Variants in CDH19 observed in about 807,000 individuals in gnomAD.
CDH19 encodes the protein cadherin 19.
In CDH19, 67 loss-of-function variants were observed where a neutral mutation model predicts 64.2. The ratio of observed to expected loss-of-function variants is 1.04; its 90% CI spans 0.86 to 1.28. The LOEUF is 1.28. CDH19 is among the 50% of genes most tolerant of loss of function. The probability of loss-of-function intolerance (pLI) is 0.00; values close to 1 mark genes in which losing one functional copy is unlikely to be tolerated. For synonymous variants in CDH19, 346 were observed against 319.3 expected (o/e 1.08, Z -0.89); for missense variants, 1,030 against 929.0 (o/e 1.11, Z -1.41).
chr18:66,548,268 TA>T (rs372768193), intron 5 of CDH19, among the ~76,000 whole-genome samples: 3,701 of 146,036 alleles, frequency 0.025, 158 homozygotes, highest in African/African-American at 0.087. Context: ...TATATTTTTT[TA>T]AAAATATATA....
chr18:66,505,117 T>G lies in CDH19; in HGVS notation c.2014A>C (p.Lys672Gln). The G allele has an allele frequency of 6.2e-7, 1 of 1,613,616 alleles. No homozygotes were observed. The highest frequency in any genetic ancestry group is 8.5e-7 in the Non-Finnish European group (1 of 1,179,726). The change falls in exon 12 of 12, where the codon AAA becomes CAA. Residue 672 changes from lysine to glutamine, a missense_variant. Physicochemically the swap from Lys to Gln is moderately conservative, Grantham distance 53. Transcript: ENST00000262150. Reference sequence around the variant, plus strand: ...CTCCTGATCTCAGCGCTTGTGGTTTTCCGAGTCTTGCGTTCCCGCATTATG... The same window carrying G: ...CTCCTGATCTCAGCGCTTGTGGTTTGCCGAGTCTTGCGTTCCCGCATTATG... ...STIMRERKTR[K>Q]TTSAEIRSLY...
chr18:66,538,218 A>G (rs1986749702), intron 7 of CDH19, among the ~76,000 whole-genome samples: 1 of 151,986 alleles, frequency 6.6e-6, no homozygotes, highest in South Asian at 2.1e-4. Context: ...CTTAGGTTGT[A>G]TTTTCCTAAT....
At chr18:66,594,612 C>T (rs1988832667) in intron 1 of CDH19, among the ~76,000 whole-genome samples, 1 of 151,908 alleles carries the variant, frequency 6.6e-6, no homozygotes, top group Admixed American at 6.6e-5. Flanking sequence ...ACCCAAATGT[C>T]CAACAATGAT....
chr18:66,560,119 C>G (rs1987667170), intron 3 of CDH19, among the ~76,000 whole-genome samples: 1 of 152,060 alleles, frequency 6.6e-6, no homozygotes. Context: ...ACTGCAACTT[C>G]CGCAAGGCAA....
rs149114619 is a variant in CDH19 at position 66,555,680 on chromosome 18, C to T, written c.491-1156G>A. Among the ~76,000 whole-genome samples the T allele has an allele frequency of 2.9e-4, 44 of 151,752 alleles. No individual in the cohort carries two copies. The East Asian group carries it at 8.3e-3, about 29-fold the overall frequency. ...ATTGAATAACCACTCAATGTGTAGA[C>T]ACTTACTAGTTTCAGATGTTTTAAA... On this transcript the variant is annotated intron_variant, in intron 3 of 11. Coordinates refer to ENST00000262150, the MANE Select transcript of CDH19 (RefSeq NM_021153.4).
chr18:66,539,426 G>A (rs1598994176), intron 7 of CDH19, among the ~76,000 whole-genome samples: 1 of 152,110 alleles, frequency 6.6e-6, no homozygotes, highest in African/African-American at 2.4e-5. Flanking sequence ...CTCTGTATCT[G>A]TTTAAGAATC....
intron 3 of CDH19, among the ~76,000 whole-genome samples, chr18:66,558,179 A>T (rs1018713622): frequency 1.3e-4 from 19 of 147,686 alleles, no homozygotes; most frequent in African/African-American, 3.5e-4. Context: ...ATATATATAT[A>T]ATATATATAT....
chr18:66,562,622 C>G (rs1038356925), intron 3 of CDH19, among the ~76,000 whole-genome samples: 2 of 152,060 alleles, frequency 1.3e-5, no homozygotes, highest in African/African-American at 2.4e-5. Context: ...AGGATGTACA[C>G]TTGTACCACG....
At position 66,585,321 on chromosome 18, in the gene CDH19, G is replaced by T. The variant is rs531430504; in HGVS notation, c.-112-13005C>A. ...AGAGTCACTCTCTACTGACTTTCGG[G>T]TTATTTTCCCAAATAGTTTGAGATG... On this transcript the variant is annotated intron_variant, in intron 1 of 11. Coordinates refer to ENST00000262150, the MANE Select transcript of CDH19 (RefSeq NM_021153.4). Among the ~76,000 whole-genome samples, 18 of 152,112 alleles carry T rather than the reference G, an allele frequency of 1.2e-4. No individual in the cohort carries two copies. In the East Asian group the frequency reaches 2.7e-3, roughly 23 times the overall value.
chr18:66,582,129 AATT>A, intron 1 of CDH19, among the ~76,000 whole-genome samples: 1 of 152,266 alleles, frequency 6.6e-6, no homozygotes, highest in East Asian at 1.9e-4. Context: ...AAGATCTATA[AATT>A]ACATTTTAAC....
At position 66,559,102 on chromosome 18, in the gene CDH19, A is replaced by G. The variant is rs112222634; in HGVS notation, c.491-4578T>C. Among the ~76,000 whole-genome samples, 152 of 152,180 alleles carry G rather than the reference A, an allele frequency of 1.0e-3. 1 individual carries two copies. The highest frequency in any genetic ancestry group is 3.6e-3 in the African/African-American group (148 of 41,562). Reference sequence around the variant, plus strand: ...TCACTATGAATTGCTGTTGTGTTCTAAAATATTATGGCTACTATTCTACAT... The same window carrying G: ...TCACTATGAATTGCTGTTGTGTTCTGAAATATTATGGCTACTATTCTACAT... On this transcript the variant is annotated intron_variant, in intron 3 of 11. Transcript: ENST00000262150.
intron 9 of CDH19, among the ~76,000 whole-genome samples, chr18:66,514,383 A>T (rs1709041786): frequency 6.6e-6 from 1 of 151,672 alleles, no homozygotes; most frequent in African/African-American, 2.4e-5. Flanking sequence ...AGGACCAAAA[A>T]TAATGGTTAA....
rs769580349 is a variant in CDH19, at chr18:66,544,799, T to G, written c.880A>C (p.Ser294Arg). 8 of 1,610,070 alleles carry G rather than the reference T, an allele frequency of 5.0e-6. No homozygotes were observed. Among genetic ancestry groups the G allele is most frequent in the Non-Finnish European group, 6.8e-6 (8 of 1,176,360 alleles). ...GTTTGCGAATCATCCTCTTCAATGC[T>G]GTAATCCATTTCTGCATTCTCTCCT... The part of the protein sequence containing the change: ...DIGENAEMDY[S>R]IEEDDSQTFD... The change falls in exon 6 of 12, where the codon AGC (serine) becomes CGC (arginine). Residue 294 changes from serine to arginine, a missense_variant. Coordinates refer to ENST00000262150, the MANE Select transcript of CDH19 (RefSeq NM_021153.4).
At chr18:66,593,073 G>C (rs564287215) in intron 1 of CDH19, among the ~76,000 whole-genome samples, 1 of 151,264 alleles carries the variant, frequency 6.6e-6, no homozygotes, top group African/African-American at 2.4e-5. Context: ...TTTTTTTTTA[G>C]ACTTTTTGAT....
intron 1 of CDH19, among the ~76,000 whole-genome samples, chr18:66,575,452 C>A (rs1988238439): frequency 6.6e-6 from 1 of 151,826 alleles, no homozygotes; most frequent in African/African-American, 2.4e-5. Context: ...GGACTGTGTC[C>A]TTGACTGCAA....
chr18:66,507,978 T>G (rs567694249), intron 11 of CDH19, among the ~76,000 whole-genome samples: 1 of 151,832 alleles, frequency 6.6e-6, no homozygotes, highest in Non-Finnish European at 1.5e-5. Context: ...AGCCAAGATA[T>G]GGAATTGATG....
At chr18:66,529,449 A>C (rs1410919819) in intron 9 of CDH19, among the ~76,000 whole-genome samples, 1 of 151,286 alleles carries the variant, frequency 6.6e-6, no homozygotes, top group Non-Finnish European at 1.5e-5. Flanking sequence ...CTGAATCACT[A>C]TCGTTAGCAA....
intron 1 of CDH19, among the ~76,000 whole-genome samples, chr18:66,598,608 C>T (rs1488299138): frequency 2.0e-5 from 3 of 152,060 alleles, no homozygotes; most frequent in African/African-American, 7.2e-5. Context: ...TGCATGTTCT[C>T]ACTTATAAGT....
chr18:66,586,327 A>C (rs143222353), intron 1 of CDH19, among the ~76,000 whole-genome samples: 5 of 152,210 alleles, frequency 3.3e-5, no homozygotes, highest in African/African-American at 1.2e-4. Context: ...AATGCTACTA[A>C]AAAATAAGAA....
Sources: allele counts gnomAD v4.1 joint callset (sites outside exome capture counted in the v4.1 genomes callset), GRCh38; gene constraint gnomAD v4.1.1; transcripts MANE v1.5; gene names NCBI Gene and HGNC (gene_info 2026-07-23, HGNC 2026-07-21).